Variants in CORO7 observed in about 807,000 individuals in gnomAD.
CORO7 encodes coronin-7.
CORO7 carries 107 observed loss-of-function variants against 126.6 expected under a neutral mutation model. The ratio of observed to expected loss-of-function variants is 0.85; its 90% CI spans 0.72 to 0.99. The LOEUF (loss-of-function observed/expected upper bound fraction) is 0.99. CORO7 is among the 50% of genes least tolerant of loss of function. The pLI is 0.00. For missense variants in CORO7, 1,314 were observed against 1,255.8 expected, an observed-to-expected ratio of 1.05 and a Z score of -0.70; for synonymous variants, 603 against 536.8, an observed-to-expected ratio of 1.12 and a Z score of -1.70.
intron 9 of CORO7, chr16:4,380,789 C>A: frequency 7.3e-7 from 1 of 1,374,654 alleles, no homozygotes; most frequent in Non-Finnish European, 9.6e-7. Context: ...GCAGTGAATT[C>A]CCTCTGGCTC....
chr16:4,362,116 G>A lies in CORO7; in HGVS notation c.1447C>T (p.Arg483Ter), dbSNP rs369427407. 12 of 1,612,802 alleles carry A rather than the reference G, an allele frequency of 7.4e-6. No homozygotes were observed. The highest frequency in any genetic ancestry group is 5.3e-5 in the African/African-American group (4 of 74,876). Residue 483 changes from arginine to a stop codon, truncating the protein, a stop_gained, in exon 16 of 28, where the codon CGA becomes TGA. Coordinates refer to ENST00000251166, the MANE Select transcript of CORO7 (RefSeq NM_024535.5). LOFTEE classifies it high-confidence loss of function. This position sits in a 1 kb window ranked among gnomAD's most constrained non-coding sequence, Gnocchi z 5.3. Reference protein sequence around the residue: ...FRHAQGTVLHRDSHITNLKGL... With the variant: ...FRHAQGTVLH ...TTGAGGTTGGTGATGTGGCTGTCTC[G>A]GTGCAGGACAGTGCCCTGAGCATGG...
chr16:4,392,708 G>C (rs1224474327), intron 7 of CORO7, among the ~76,000 whole-genome samples: 1 of 152,216 alleles, frequency 6.6e-6, no homozygotes, highest in African/African-American at 2.4e-5. Flanking sequence ...CCCTCGAGCC[G>C]GCCCCTCGGC....
chr16:4,416,404 G>C, intron 1 of CORO7, 55 bp downstream of exon 1: 1 of 1,501,888 alleles, frequency 6.7e-7, no homozygotes, highest in Non-Finnish European at 8.8e-7. Context: ...GGCAGGGGGA[G>C]GGGCAGCCGG....
chr16:4,369,364 C>T (rs1226450596), intron 9 of CORO7, among the ~76,000 whole-genome samples: 5 of 152,232 alleles, frequency 3.3e-5, no homozygotes, highest in African/African-American at 1.2e-4. Flanking sequence ...TACATGAGCC[C>T]CAGCCAGGCA....
chr16:4,408,802 A>C (rs780898865), intron 3 of CORO7, among the ~76,000 whole-genome samples: 13 of 152,192 alleles, frequency 8.5e-5, no homozygotes, highest in Non-Finnish European at 1.8e-4. Context: ...GTCTCTACAA[A>C]AAATATAAAA....
chr16:4,363,747 A>C (rs904115440), intron 14 of CORO7, among the ~76,000 whole-genome samples: 3 of 147,030 alleles, frequency 2.0e-5, no homozygotes, highest in Non-Finnish European at 4.5e-5. Flanking sequence ...GGCCAGGTGC[A>C]GTGGCTCATG....
chr16:4,360,614 T>TC, intron 19 of CORO7, 66 bp from the exon 20 acceptor site: 4 of 1,524,770 alleles, frequency 2.6e-6, no homozygotes, highest in Non-Finnish European at 3.5e-6. Context: ...TCCCCACTGC[T>TC]CCTGCCCCTC....
At chr16:4,398,443 A>G (rs1302594700) in intron 6 of CORO7, among the ~76,000 whole-genome samples, 1 of 151,678 alleles carries the variant, frequency 6.6e-6, no homozygotes, top group Non-Finnish European at 1.5e-5. Flanking sequence ...GCTGGGGGGA[A>G]TCACTTGCGG....
At position 4,364,989 on chromosome 16, in the gene CORO7, G is replaced by A. The variant is rs2141198106; in HGVS notation, c.898+14C>T. The stretch of plus-strand genomic sequence containing the variant: ...GGGGAGGGTAGGGGATGGGGGCGAG[G>A]AAGCAAGGCTTACCTGGGCTCAGCG... On this transcript the variant is annotated intron_variant, in intron 11 of 27. Transcript: ENST00000251166. 1 of 1,605,398 alleles carries A rather than the reference G, an allele frequency of 6.2e-7. No individual in the cohort carries two copies. Among genetic ancestry groups the A allele is most frequent in the Non-Finnish European group, 8.5e-7 (1 of 1,176,488 alleles).
At chr16:4,382,781 C>G (rs766809185) in intron 9 of CORO7, 2 of 1,577,656 alleles carry the variant, frequency 1.3e-6, no homozygotes, top group African/African-American at 1.3e-5. Flanking sequence ...GAGCCAGGCC[C>G]GAAGGCAACA....
At chr16:4,393,038 C>G (rs892395825) in intron 7 of CORO7, among the ~76,000 whole-genome samples, 1 of 152,266 alleles carries the variant, frequency 6.6e-6, no homozygotes, top group Non-Finnish European at 1.5e-5. Context: ...GTCACCGCCC[C>G]AGCCCTGCTG....
chr16:4,391,918 G>C (rs879621495), intron 7 of CORO7, among the ~76,000 whole-genome samples: 2 of 152,200 alleles, frequency 1.3e-5, no homozygotes, highest in Admixed American at 6.5e-5. Flanking sequence ...AGCCCCGCAG[G>C]GGGTGCAGGA....
chr16:4,407,839 C>T (rs1397796865), intron 4 of CORO7, among the ~76,000 whole-genome samples, 155 bp from the exon 5 acceptor site: 1 of 152,128 alleles, frequency 6.6e-6, no homozygotes, highest in Non-Finnish European at 1.5e-5. Context: ...CCTCAGCTTG[C>T]TTGGGCCAGG....
At chr16:4,395,080 C>A (rs749740831) in intron 7 of CORO7, among the ~76,000 whole-genome samples, 1 of 152,166 alleles carries the variant, frequency 6.6e-6, no homozygotes, top group Non-Finnish European at 1.5e-5. Flanking sequence ...TTCTGCCACC[C>A]GGTGATCAAA....
At chr16:4,408,334 C>T (rs1392790032) in intron 3 of CORO7, 83 bp from the exon 4 acceptor site, 3 of 1,587,178 alleles carry the variant, frequency 1.9e-6, no homozygotes, top group Non-Finnish European at 1.7e-6. Flanking sequence ...TCCGAGGTGA[C>T]ACTTTTGTGT....
At position 4,359,196 on chromosome 16, in the gene CORO7, T is replaced by C. The variant is rs903602013; in HGVS notation, c.2340+100A>G. 6 of 1,339,994 alleles carry C rather than the reference T, an allele frequency of 4.5e-6. No individual in the cohort carries two copies. The African/African-American group carries it at 7.4e-5, about 16-fold the overall frequency. The allele number at this position is 1,339,994 out of a possible 1,614,324, so 83.0% of individuals were successfully genotyped here. A position where few individuals can be genotyped will look rare whatever the true frequency, so the allele number is the denominator to read the frequency against. On this transcript the variant is annotated intron_variant, in intron 23 of 27. Coordinates refer to ENST00000251166, the MANE Select transcript of CORO7 (RefSeq NM_024535.5). ...CAGGCCCAGCCCCAGCCCAGGACTC[T>C]GACCCCCGACCCACAGGCTCCTGTA...
chr16:4,401,075 C>T (rs1410718598), intron 6 of CORO7, among the ~76,000 whole-genome samples: 1 of 152,206 alleles, frequency 6.6e-6, no homozygotes, highest in Non-Finnish European at 1.5e-5. Context: ...TGAGTAGCCT[C>T]CCTGCTACTA....
intron 9 of CORO7, among the ~76,000 whole-genome samples, chr16:4,386,451 G>A (rs1343348619): frequency 6.6e-6 from 1 of 152,208 alleles, no homozygotes; most frequent in African/African-American, 2.4e-5. Context: ...TCCACTGGGG[G>A]CCCTGCAGGG....
At chr16:4,358,823 T>G (rs2054066429) in intron 23 of CORO7, 1 of 312,816 alleles carries the variant, frequency 3.2e-6, no homozygotes, top group Non-Finnish European at 5.8e-6. Flanking sequence ...TCAGCACAAA[T>G]AATAGTAAAA....
Sources: allele counts gnomAD v4.1 joint callset (sites outside exome capture counted in the v4.1 genomes callset), GRCh38; gene constraint gnomAD v4.1.1; non-coding constraint Gnocchi (gnomAD v3.1); transcripts MANE v1.5; gene names NCBI Gene and HGNC (gene_info 2026-07-23, HGNC 2026-07-21).